HDAC4: variants seen among roughly 807,000 people sequenced by gnomAD.
The protein encoded by HDAC4 is histone deacetylase A.
HDAC4 carries 16 observed loss-of-function variants against 135.1 expected under a neutral mutation model. That is an observed-to-expected ratio of 0.12 (90% CI 0.08 to 0.18). The LOEUF (loss-of-function observed/expected upper bound fraction) is 0.18, where lower values mean the gene tolerates loss of function less well. Among genes scored for constraint, HDAC4 ranks in the 10% least tolerant of loss-of-function variants. The pLI is 1.00. For synonymous variants in HDAC4, 685 were observed against 653.4 expected (o/e 1.05, Z -0.74); for missense variants, 1,143 against 1,511.8 (o/e 0.76, Z 4.05).
chr2:239,178,446 C>A (rs1475116063), intron 4 of HDAC4, among the ~76,000 whole-genome samples: 1 of 152,154 alleles, frequency 6.6e-6, no homozygotes, highest in African/African-American at 2.4e-5. Flanking sequence ...AGGGGTCTTG[C>A]TATGTTGCCC....
intron 7 of HDAC4, among the ~76,000 whole-genome samples, chr2:239,150,238 CACAGATACACAGACAT>C (rs1349579505): frequency 2.0e-5 from 3 of 152,076 alleles, no homozygotes; most frequent in Admixed American, 6.5e-5. Flanking sequence ...CACACAGAAA[CACAGATACACAGACAT>C]ACAGATACAC....
chr2:239,305,834 G>A (rs2125664667), intron 2 of HDAC4, among the ~76,000 whole-genome samples: 1 of 152,304 alleles, frequency 6.6e-6, no homozygotes, highest in East Asian at 1.9e-4. Flanking sequence ...GCTTTAGCAA[G>A]TACTTCTCTG....
At chr2:239,258,411 G>C (rs1037222741) in intron 2 of HDAC4, among the ~76,000 whole-genome samples, 4 of 152,174 alleles carry the variant, frequency 2.6e-5, no homozygotes, top group Non-Finnish European at 4.4e-5. Context: ...CGGCCGTGGA[G>C]GGGGAGGGGG....
chr2:239,098,206 G>T lies in HDAC4; in HGVS notation c.2234-3150C>A, dbSNP rs2037290654. Among the ~76,000 whole-genome samples the T allele has an allele frequency of 2.6e-5, 4 of 152,368 alleles. No homozygotes were observed. The South Asian group carries it at 8.3e-4, about 32-fold the overall frequency. On this transcript the variant is annotated intron_variant, in intron 16 of 26. Transcript: ENST00000543185. The stretch of plus-strand genomic sequence containing the variant: ...TATAGGCAGAGTTTTGGTGACAGTT[G>T]TGAGGAGCCCAGCGGCCTCCTGTGG...
intron 1 of HDAC4, among the ~76,000 whole-genome samples, chr2:239,366,437 G>A (rs1377635100): frequency 1.3e-5 from 2 of 152,268 alleles, no homozygotes; most frequent in African/African-American, 2.4e-5. Flanking sequence ...TGTCAGCACT[G>A]AGGCCCTTTT....
At chr2:239,189,734 C>T (rs747043016) in intron 4 of HDAC4, 99 bp downstream of exon 4, 11 of 1,221,946 alleles carry the variant, frequency 9.0e-6, no homozygotes, top group Admixed American at 1.9e-5. Flanking sequence ...CTGCATCATG[C>T]CTGGGGCCCC....
At chr2:239,326,934 G>C (rs1038841810) in intron 2 of HDAC4, among the ~76,000 whole-genome samples, 8 of 152,222 alleles carry the variant, frequency 5.3e-5, no homozygotes, top group Non-Finnish European at 2.9e-5. Flanking sequence ...TACTGCTAAA[G>C]AGAAGTGCAC....
At chr2:239,305,046 T>C (rs908183577) in intron 2 of HDAC4, among the ~76,000 whole-genome samples, 2 of 152,158 alleles carry the variant, frequency 1.3e-5, no homozygotes, top group African/African-American at 2.4e-5. Flanking sequence ...GGGCCTGTAC[T>C]GCAGGCTCTG....
chr2:239,052,687 A>G lies in HDAC4; in HGVS notation c.*410T>C, dbSNP rs2031045083. 4.0e-6 allele frequency: 1 copy of G among 247,322 alleles called. No individual in the cohort carries two copies. The highest frequency in any genetic ancestry group is 2.2e-5 in the African/African-American group (1 of 44,734). 15.3% of individuals were successfully genotyped at this position (247,322 alleles called of 1,614,324 possible). On this transcript the variant is annotated 3_prime_UTR_variant, in exon 27 of 27. Transcript: ENST00000543185. ...TTGTGGGTAATAAACTTTAAGCACC[A>G]GTTTTAATCAAGTTTGTTTTGTATT...
chr2:239,193,466 C>CT, intron 3 of HDAC4, among the ~76,000 whole-genome samples: 1 of 152,252 alleles, frequency 6.6e-6, no homozygotes. Context: ...AGGGCAGCCG[C>CT]TGGGGCGCCG....
intron 22 of HDAC4, among the ~76,000 whole-genome samples, chr2:239,075,925 C>CA (rs1021650755): frequency 3.3e-5 from 5 of 150,606 alleles, no homozygotes; most frequent in African/African-American, 1.2e-4. Flanking sequence ...CCCAGGGAGA[C>CA]AGAGCTGGGT....
intron 2 of HDAC4, among the ~76,000 whole-genome samples, chr2:239,334,675 A>T (rs1479141651): frequency 6.6e-6 from 1 of 152,194 alleles, no homozygotes; most frequent in East Asian, 1.9e-4. Flanking sequence ...AAATCAGTGG[A>T]TCCCAATTGA....
At chr2:239,080,427 C>T (rs888005063) in intron 22 of HDAC4, among the ~76,000 whole-genome samples, 3 of 152,340 alleles carry the variant, frequency 2.0e-5, no homozygotes, top group Non-Finnish European at 4.4e-5. Context: ...CTGCCCTGGA[C>T]GCCCGTCACT....
At chr2:239,100,896 G>A (rs968130835) in intron 16 of HDAC4, among the ~76,000 whole-genome samples, 1 of 152,100 alleles carries the variant, frequency 6.6e-6, no homozygotes, top group Non-Finnish European at 1.5e-5. Context: ...CAGAGGGACG[G>A]TGGAAGGGTG....
chr2:239,326,486 C>A (rs185450383), intron 2 of HDAC4, among the ~76,000 whole-genome samples: 1 of 152,078 alleles, frequency 6.6e-6, no homozygotes, highest in Non-Finnish European at 1.5e-5. Flanking sequence ...CTGAACTGTG[C>A]GCTTCAAAAT....
At chr2:239,101,817 G>A (rs1176025918) in intron 16 of HDAC4, among the ~76,000 whole-genome samples, 1 of 150,778 alleles carries the variant, frequency 6.6e-6, no homozygotes, top group East Asian at 2.0e-4. Context: ...CCTGGGTCTG[G>A]GTTCTGTGTC....
intron 1 of HDAC4, among the ~76,000 whole-genome samples, chr2:239,360,033 T>C (rs552312038): frequency 2.9e-4 from 44 of 152,236 alleles, no homozygotes; most frequent in African/African-American, 9.9e-4. Context: ...TTGGATAATC[T>C]AGGCAAACAG....
chr2:239,177,925 A>C (rs947739388), intron 4 of HDAC4, among the ~76,000 whole-genome samples: 2 of 152,226 alleles, frequency 1.3e-5, no homozygotes, highest in South Asian at 2.1e-4. Context: ...GAGTGTGGGA[A>C]GGTGCAACTG....
chr2:239,100,980 C>T (rs1481848680), intron 16 of HDAC4, among the ~76,000 whole-genome samples: 1 of 152,162 alleles, frequency 6.6e-6, no homozygotes, highest in Non-Finnish European at 1.5e-5. Context: ...TTTCCACCAG[C>T]TTTGGCCCAG....
Sources: gnomAD v4.1 joint callset for allele counts (sites outside exome capture counted in the v4.1 genomes callset) on GRCh38, gnomAD v4.1.1 for gene constraint, MANE v1.5 for transcripts, NCBI Gene and HGNC (gene_info 2026-07-23, HGNC 2026-07-21) for gene names.